Variants in SLC25A21 observed in about 807,000 individuals in gnomAD.
SLC25A21 encodes the protein mitochondrial 2-oxodicarboxylate carrier.
In SLC25A21, 47 loss-of-function variants were observed where a neutral mutation model predicts 43.8. That is an observed-to-expected ratio of 1.07 (90% CI 0.85 to 1.37). The LOEUF (loss-of-function observed/expected upper bound fraction) is 1.37. Among genes scored for constraint, SLC25A21 ranks in the 40% most tolerant of loss-of-function variants. The probability of loss-of-function intolerance (pLI) is 0.00; values close to 1 mark genes in which losing one functional copy is unlikely to be tolerated. For synonymous variants in SLC25A21, 131 were observed against 121.3 expected (o/e 1.08, Z -0.52); for missense variants, 352 against 350.2 (o/e 1.00, Z -0.04).
intron 3 of SLC25A21, among the ~76,000 whole-genome samples, chr14:36,776,238 C>CTTTTTTTTTTT (rs35856297): frequency 1.4e-4 from 13 of 89,900 alleles, no homozygotes; most frequent in African/African-American, 6.6e-4. Context: ...TTCTTTCTTT[C>CTTTTTTTTTTT]TTTTTTTTTT....
At chr14:36,980,465 ACTTCT>A (rs1594734786) in intron 1 of SLC25A21, among the ~76,000 whole-genome samples, 1 of 151,890 alleles carries the variant, frequency 6.6e-6, no homozygotes, top group East Asian at 1.9e-4. Context: ...TTTTCTCTAA[ACTTCT>A]CTTCTCGCTT....
chr14:36,894,548 T>A (rs908258143), intron 1 of SLC25A21, among the ~76,000 whole-genome samples: 1 of 152,040 alleles, frequency 6.6e-6, no homozygotes, highest in Admixed American at 6.6e-5. Flanking sequence ...TCCTGCCTGA[T>A]TGCCCTGGCC....
At chr14:36,990,797 C>T (rs917629918) in intron 1 of SLC25A21, among the ~76,000 whole-genome samples, 1 of 152,000 alleles carries the variant, frequency 6.6e-6, no homozygotes, top group African/African-American at 2.4e-5. Flanking sequence ...GGGAAGATTG[C>T]TTGAGCCCGG....
rs1882024392 is a variant in SLC25A21 at position 36,678,613 on chromosome 14, C to A, written c.*2045G>T. On this transcript the variant is annotated 3_prime_UTR_variant, in exon 10 of 10. Coordinates refer to ENST00000331299, the MANE Select transcript of SLC25A21 (RefSeq NM_030631.4). ...TGAAAAACTGATGTAAGGTACAGAA[C>A]TATTCTTTATCAAATGTTTTTAGGT... 2 of 1,359,296 alleles carry A rather than the reference C, an allele frequency of 1.5e-6. No individual in the cohort carries two copies. The highest frequency in any genetic ancestry group is 2.9e-5 in the African/African-American group (2 of 68,668). The allele number at this position is 1,359,296 out of a possible 1,614,324, so 84.2% of individuals were successfully genotyped here. A position where few individuals can be genotyped will look rare whatever the true frequency, so the allele number is the denominator to read the frequency against.
chr14:37,016,731 A>G (rs1045373705), intron 1 of SLC25A21, among the ~76,000 whole-genome samples: 3 of 152,116 alleles, frequency 2.0e-5, no homozygotes, highest in South Asian at 2.1e-4. Context: ...TTTCATCTAC[A>G]TCGAAAATCT....
At chr14:37,137,300 A>T (rs756835226) in intron 1 of SLC25A21, among the ~76,000 whole-genome samples, 92 of 152,332 alleles carry the variant, frequency 6.0e-4, no homozygotes, top group Non-Finnish European at 7.9e-4. Flanking sequence ...CCCAGCTGGC[A>T]CTGACTTTTG....
chr14:36,851,649 T>C (rs1889739764), intron 2 of SLC25A21, among the ~76,000 whole-genome samples: 1 of 152,236 alleles, frequency 6.6e-6, no homozygotes, highest in African/African-American at 2.4e-5. Context: ...AAATGGGGAT[T>C]AGAAAAACTG....
At chr14:37,143,589 CGTGTGTGTGTGTGTGT>C (rs10531936) in intron 1 of SLC25A21, among the ~76,000 whole-genome samples, 3 of 148,538 alleles carry the variant, frequency 2.0e-5, no homozygotes, top group Non-Finnish European at 4.5e-5. Context: ...TGTTCATTAG[CGTGTGTGTGTGTGTGT>C]GTGTGTGTGT....
intron 2 of SLC25A21, among the ~76,000 whole-genome samples, chr14:36,848,997 AT>A (rs1411284610): frequency 6.6e-6 from 1 of 152,166 alleles, no homozygotes; most frequent in Non-Finnish European, 1.5e-5. Context: ...TTTCCAGGAT[AT>A]TCTCTTAATT....
intron 2 of SLC25A21, among the ~76,000 whole-genome samples, chr14:36,843,482 C>T (rs1889448080): frequency 6.6e-6 from 1 of 152,134 alleles, no homozygotes; most frequent in African/African-American, 2.4e-5. Context: ...TTATAAATCT[C>T]ATTTATAAAA....
At chr14:36,894,435 T>C (rs1240357241) in intron 1 of SLC25A21, among the ~76,000 whole-genome samples, 2 of 152,298 alleles carry the variant, frequency 1.3e-5, no homozygotes, top group Middle Eastern at 3.4e-3. Context: ...TAAGGAGATT[T>C]TGGGCTGAGA....
At chr14:37,163,692 G>A (rs1963986756) in intron 1 of SLC25A21, among the ~76,000 whole-genome samples, 1 of 152,142 alleles carries the variant, frequency 6.6e-6, no homozygotes, top group African/African-American at 2.4e-5. Context: ...TGAGTTGGGA[G>A]GAGTGGGGAG....
chr14:36,806,085 G>A (rs568512384), intron 3 of SLC25A21, among the ~76,000 whole-genome samples: 58 of 142,480 alleles, frequency 4.1e-4, no homozygotes, highest in South Asian at 3.5e-3. Context: ...GTGTGGTGGC[G>A]GCCACCTGTA....
intron 3 of SLC25A21, among the ~76,000 whole-genome samples, chr14:36,796,281 A>T (rs1286550564): frequency 6.6e-6 from 1 of 152,206 alleles, no homozygotes; most frequent in Non-Finnish European, 1.5e-5. Context: ...AGGAATTAAG[A>T]ATAAGTTAAA....
intron 1 of SLC25A21, among the ~76,000 whole-genome samples, chr14:36,997,711 C>T (rs150073128): frequency 0.011 from 1,715 of 151,768 alleles, 26 homozygotes; most frequent in African/African-American, 0.037. Flanking sequence ...TGCCTGTAAT[C>T]CCAAATACTC....
chr14:36,688,196 A>C (rs1437963197), intron 7 of SLC25A21, among the ~76,000 whole-genome samples: 1 of 152,186 alleles, frequency 6.6e-6, no homozygotes, highest in Non-Finnish European at 1.5e-5. Flanking sequence ...CTGCCCTTTA[A>C]GGTCCTGCTT....
chr14:37,021,632 G>C (rs1960987136), intron 1 of SLC25A21, among the ~76,000 whole-genome samples: 1 of 151,886 alleles, frequency 6.6e-6, no homozygotes, highest in African/African-American at 2.4e-5. Context: ...CTCTCTAACA[G>C]ATTTTAAATC....
At chr14:36,903,444 T>C (rs1891448749) in intron 1 of SLC25A21, among the ~76,000 whole-genome samples, 1 of 151,578 alleles carries the variant, frequency 6.6e-6, no homozygotes, top group African/African-American at 2.4e-5. Flanking sequence ...AAACCCCGTC[T>C]CTACTAAAAA....
rs963983541 is a variant in SLC25A21, at chr14:36,883,961, A to G, written c.71-8957T>C. ...AGCTAATGAACATATCCATCACTTC[A>G]TATACTTACAAACTTTTTGTAGTGA... On this transcript the variant is annotated intron_variant, in intron 1 of 9. Transcript: ENST00000331299. 2.6e-5 allele frequency among the ~76,000 whole-genome samples: 4 copies of G among 152,306 alleles called. No homozygotes were observed. The East Asian group carries it at 7.7e-4, about 29-fold the overall frequency.
Sources: allele counts gnomAD v4.1 joint callset (sites outside exome capture counted in the v4.1 genomes callset), GRCh38; gene constraint gnomAD v4.1.1; transcripts MANE v1.5; gene names NCBI Gene and HGNC (gene_info 2026-07-23, HGNC 2026-07-21).